Variants in YEATS2 observed in about 807,000 individuals in gnomAD.
YEATS2 encodes YEATS domain-containing protein 2.
In YEATS2, 77 loss-of-function variants were observed where a neutral mutation model predicts 163.2. That is an observed-to-expected ratio of 0.47 (90% confidence interval 0.39 to 0.57). YEATS2 has a LOEUF of 0.57. Among genes scored for constraint, YEATS2 ranks in the 20% least tolerant of loss-of-function variants. The pLI is 0.00. For synonymous variants in YEATS2, 631 were observed against 645.1 expected (o/e 0.98, Z 0.33); for missense variants, 1,549 against 1,729.8 (o/e 0.90, Z 1.85).
intron 9 of YEATS2, among the ~76,000 whole-genome samples, chr3:183,747,946 AT>A (rs1478610223): frequency 6.6e-6 from 1 of 151,626 alleles, no homozygotes; most frequent in Non-Finnish European, 1.5e-5. Flanking sequence ...TGCCTGGCTA[AT>A]TTTTATATTT....
chr3:183,751,750 T>G (rs1347841799), intron 9 of YEATS2, among the ~76,000 whole-genome samples: 1 of 152,180 alleles, frequency 6.6e-6, no homozygotes, highest in Non-Finnish European at 1.5e-5. Context: ...GACCTGCTGG[T>G]GAGAAAGGCA....
At chr3:183,729,591 T>C (rs1473901263) in intron 7 of YEATS2, among the ~76,000 whole-genome samples, 2 of 152,210 alleles carry the variant, frequency 1.3e-5, no homozygotes, top group African/African-American at 4.8e-5. Context: ...ATAGTATAGT[T>C]GTTTCTTGTG....
chr3:183,737,106 T>C (rs1203498514), intron 8 of YEATS2, among the ~76,000 whole-genome samples: 1 of 152,120 alleles, frequency 6.6e-6, no homozygotes, highest in Non-Finnish European at 1.5e-5. Context: ...ATTAAGAAAA[T>C]TATAAGGAAT....
chr3:183,740,788 T>C (rs2109198714), intron 8 of YEATS2, among the ~76,000 whole-genome samples: 1 of 152,342 alleles, frequency 6.6e-6, no homozygotes, highest in South Asian at 2.1e-4. Flanking sequence ...TGAAGGTGGC[T>C]ACACCAAACA....
chr3:183,729,149 G>A (rs1717439074), intron 7 of YEATS2, among the ~76,000 whole-genome samples: 1 of 152,124 alleles, frequency 6.6e-6, no homozygotes, highest in African/African-American at 2.4e-5. Context: ...GCGGGCGCCT[G>A]TAGTCCCAGC....
intron 15 of YEATS2, among the ~76,000 whole-genome samples, chr3:183,766,833 T>A (rs1721953394): frequency 1.3e-5 from 2 of 152,088 alleles, no homozygotes; most frequent in African/African-American, 4.8e-5. Context: ...AGGTTTTTTG[T>A]TTTGTTTTGT....
intron 13 of YEATS2, 152 bp downstream of exon 13, chr3:183,759,117 G>A: frequency 1.8e-6 from 1 of 569,016 alleles, no homozygotes; most frequent in Non-Finnish European, 3.0e-6. Flanking sequence ...ACCTGCCAGG[G>A]TACTGCGGTT....
In YEATS2 at chr3:183,809,142, G is replaced by T; in HGVS notation, c.4132G>T (p.Val1378Phe). ...VNDILRQALA[V>F]GYQTASHNRI... Reference sequence around the variant, plus strand: ...TGATATCCTGAGACAGGCTTTGGCAGTTGGATACCAGACAGCTTCTCACAA... The same window carrying T: ...TGATATCCTGAGACAGGCTTTGGCATTTGGATACCAGACAGCTTCTCACAA... Residue 1378 changes from valine (V) to phenylalanine (F), a missense_variant, in exon 30 of 31, where the codon GTT becomes TTT. Physicochemically the swap from Val to Phe is conservative, Grantham distance 50. Transcript: ENST00000305135. 2 of 1,614,140 alleles carry T rather than the reference G, an allele frequency of 1.2e-6. No individual in the cohort carries two copies. The highest frequency in any genetic ancestry group is 1.7e-6 in the Non-Finnish European group (2 of 1,180,002).
rs749101730 is a variant in YEATS2, at chr3:183,724,412, T to C, written c.538-7T>C. On this transcript the variant is annotated splice_polypyrimidine_tract_variant and splice_region_variant and intron_variant, in intron 5 of 30. Coordinates refer to ENST00000305135, the MANE Select transcript of YEATS2 (RefSeq NM_018023.5). ...TGAGAATGGATGTTGATTATGATTT[T>C]TTTCAGGATACTTCTAGAATTACTG... 12 of 1,602,654 alleles carry C rather than the reference T, an allele frequency of 7.5e-6. No individual in the cohort carries two copies. The highest frequency in any genetic ancestry group is 1.0e-5 in the Non-Finnish European group (12 of 1,172,814).
intron 12 of YEATS2, 25 bp from the exon 13 acceptor site, chr3:183,758,837 G>A (rs1721037529): frequency 6.9e-7 from 1 of 1,458,092 alleles, no homozygotes; most frequent in Non-Finnish European, 9.5e-7. Context: ...CTTTGTTTAT[G>A]TTTTAATTGT....
chr3:183,737,955 T>G (rs1488296863), intron 8 of YEATS2, among the ~76,000 whole-genome samples: 2 of 152,218 alleles, frequency 1.3e-5, no homozygotes, highest in African/African-American at 2.4e-5. Flanking sequence ...CATTTTTGTC[T>G]CTCTGTCACA....
At chr3:183,705,397 A>G (rs1339300879) in intron 1 of YEATS2, among the ~76,000 whole-genome samples, 2 of 152,172 alleles carry the variant, frequency 1.3e-5, no homozygotes, top group Non-Finnish European at 2.9e-5. Flanking sequence ...AATTTTATAT[A>G]GAGATGTGTG....
At chr3:183,726,022 T>G (rs1042166902) in intron 6 of YEATS2, among the ~76,000 whole-genome samples, 1 of 151,944 alleles carries the variant, frequency 6.6e-6, no homozygotes, top group African/African-American at 2.4e-5. Context: ...CCCATTTGTG[T>G]TAATACTTGG....
chr3:183,709,462 G>A (rs1225105774), intron 1 of YEATS2, among the ~76,000 whole-genome samples: 1 of 151,420 alleles, frequency 6.6e-6, no homozygotes, highest in Non-Finnish European at 1.5e-5. Flanking sequence ...AGCCTCCCGA[G>A]TAGCTGGGAC....
At position 183,808,099 on chromosome 3, in the gene YEATS2, C is replaced by T; in HGVS notation, c.4081C>T (p.Leu1361=). The change falls in exon 29 of 31, where the codon CTG becomes TTG. Residue 1361 remains leucine, a synonymous_variant. Transcript: ENST00000305135. ...VYASVVEDMI[L]KATEQLVNDI... The stretch of plus-strand genomic sequence containing the variant: ...TGCGTCCGTGGTGGAGGACATGATC[C>T]TGAAGGTGGGTGCCTGCAGGGGCCG... The T allele has an allele frequency of 6.4e-7, 1 of 1,553,422 alleles. No homozygotes were observed. The highest frequency in any genetic ancestry group is 8.7e-7 in the Non-Finnish European group (1 of 1,147,612).
intron 4 of YEATS2, among the ~76,000 whole-genome samples, chr3:183,721,095 CTT>C (rs1560232336): frequency 6.6e-6 from 1 of 152,158 alleles, no homozygotes; most frequent in South Asian, 2.1e-4. Context: ...ATTTTATCCT[CTT>C]ATGTTTTGAT....
intron 25 of YEATS2, chr3:183,802,485 ATATGTGTG>A (rs1560334900): frequency 1.0e-5 from 1 of 99,778 alleles, no homozygotes; most frequent in African/African-American, 3.5e-5. Context: ...TCTCTCTTAT[ATATGTGTG>A]TGTGTGTGTG....
intron 28 of YEATS2, 122 bp downstream of exon 28, chr3:183,807,214 C>A: frequency 1.1e-6 from 1 of 883,794 alleles, no homozygotes; most frequent in Non-Finnish European, 1.7e-6. Flanking sequence ...CAGACCCAGA[C>A]TCTTCTGGTG....
chr3:183,808,163 G>A, intron 29 of YEATS2, 59 bp downstream of exon 29: 4 of 1,409,826 alleles, frequency 2.8e-6, no homozygotes, highest in Non-Finnish European at 2.9e-6. Context: ...GCGGTTTGGA[G>A]TAAGGGGCAA....
Sources: gnomAD v4.1 joint callset for allele counts (sites outside exome capture counted in the v4.1 genomes callset) on GRCh38, gnomAD v4.1.1 for gene constraint, MANE v1.5 for transcripts, NCBI Gene and HGNC (gene_info 2026-07-23, HGNC 2026-07-21) for gene names.